RASAL2: variants seen among roughly 807,000 people sequenced by gnomAD.
RASAL2 encodes ras GTPase-activating protein nGAP.
In RASAL2, 58 loss-of-function variants were observed where a neutral mutation model predicts 128.9. That is an observed-to-expected ratio of 0.45 (90% CI 0.36 to 0.56). RASAL2 has a LOEUF of 0.56. Among genes scored for constraint, RASAL2 ranks in the 20% least tolerant of loss-of-function variants. The pLI is 0.00. For synonymous variants in RASAL2, 561 were observed against 580.8 expected (o/e 0.97, Z 0.49); for missense variants, 1,360 against 1,601.6 (o/e 0.85, Z 2.57).
At chr1:178,175,063 A>C (rs1270696021) in intron 1 of RASAL2, among the ~76,000 whole-genome samples, 1 of 152,126 alleles carries the variant, frequency 6.6e-6, no homozygotes, top group East Asian at 1.9e-4. Flanking sequence ...AATGTCACTG[A>C]ATTGACTATT....
At chr1:178,427,763 T>C (rs2102779708) in intron 5 of RASAL2, among the ~76,000 whole-genome samples, 1 of 152,212 alleles carries the variant, frequency 6.6e-6, no homozygotes, top group South Asian at 2.1e-4. Flanking sequence ...TATTCAGTTT[T>C]CGCCAATTTT....
chr1:178,256,539 C>T (rs577586685), intron 1 of RASAL2, among the ~76,000 whole-genome samples: 1 of 152,244 alleles, frequency 6.6e-6, no homozygotes, highest in Admixed American at 6.5e-5. Context: ...AGATTGTAAA[C>T]CAACAAGTAA....
At chr1:178,175,808 C>T (rs1375296137) in intron 1 of RASAL2, among the ~76,000 whole-genome samples, 1 of 152,062 alleles carries the variant, frequency 6.6e-6, no homozygotes, top group East Asian at 1.9e-4. Flanking sequence ...TTTGGTTTTC[C>T]ATCCCTGAGT....
intron 14 of RASAL2, among the ~76,000 whole-genome samples, chr1:178,460,071 A>T (rs1186787552): frequency 6.6e-6 from 1 of 152,154 alleles, no homozygotes; most frequent in Non-Finnish European, 1.5e-5. Context: ...GAGAATTAAG[A>T]TGTTTATTGG....
chr1:178,176,284 T>C (rs754504189), intron 1 of RASAL2, among the ~76,000 whole-genome samples: 20 of 152,172 alleles, frequency 1.3e-4, no homozygotes, highest in Admixed American at 3.9e-4. Context: ...TAAGGTGATA[T>C]CTCCTTGTGG....
At chr1:178,163,156 T>C (rs1203676102) in intron 1 of RASAL2, among the ~76,000 whole-genome samples, 1 of 150,542 alleles carries the variant, frequency 6.6e-6, no homozygotes, top group African/African-American at 2.4e-5. Flanking sequence ...TTAGTAGAGA[T>C]GGGGTTTCAC....
Position 178,094,182 on chromosome 1 carries a change from T to A in RASAL2, c.-311T>A, listed in dbSNP as rs1658571792. 1 of 389,720 alleles carries A rather than the reference T, an allele frequency of 2.6e-6. No individual in the cohort carries two copies. The highest frequency in any genetic ancestry group is 2.1e-5 in the African/African-American group (1 of 46,838). 24.1% of individuals were successfully genotyped at this position (389,720 alleles called of 1,614,324 possible). A position where few individuals can be genotyped will look rare whatever the true frequency, so the allele number is the denominator to read the frequency against. On this transcript the variant is annotated 5_prime_UTR_variant, in exon 1 of 18. Coordinates refer to ENST00000367649, the MANE Select transcript of RASAL2 (RefSeq NM_170692.4). The stretch of plus-strand genomic sequence containing the variant: ...AGGAGGTGGGAGGGCGAGCCTCCCC[T>A]CCCGGGTTCTTCTGCGTCCTCTCCC...
intron 3 of RASAL2, among the ~76,000 whole-genome samples, chr1:178,309,002 T>C (rs1349805478): frequency 6.6e-6 from 1 of 152,170 alleles, no homozygotes; most frequent in African/African-American, 2.4e-5. Context: ...AGATATATTC[T>C]TTCCTTTATA....
chr1:178,102,902 GAGAT>G (rs1329371634), intron 1 of RASAL2, among the ~76,000 whole-genome samples: 3 of 152,230 alleles, frequency 2.0e-5, no homozygotes, highest in Middle Eastern at 3.4e-3. Context: ...AGCAAATGTA[GAGAT>G]AGATAGATAT....
At chr1:178,240,554 C>G (rs1378445356) in intron 1 of RASAL2, among the ~76,000 whole-genome samples, 1 of 151,490 alleles carries the variant, frequency 6.6e-6, no homozygotes, top group African/African-American at 2.4e-5. Context: ...TGAAAAAAGA[C>G]CACTTTAAAT....
intron 3 of RASAL2, among the ~76,000 whole-genome samples, chr1:178,366,023 A>G (rs1274996427): frequency 6.6e-6 from 1 of 152,164 alleles, no homozygotes; most frequent in East Asian, 1.9e-4. Context: ...TAGATTATTC[A>G]TGGAGTAGCA....
intron 2 of RASAL2, among the ~76,000 whole-genome samples, chr1:178,290,900 T>A (rs1441857508): frequency 6.6e-6 from 1 of 152,074 alleles, no homozygotes; most frequent in African/African-American, 2.4e-5. Flanking sequence ...ATGGTCTCGA[T>A]CTCCTGACCT....
At chr1:178,459,271 A>T in intron 14 of RASAL2, among the ~76,000 whole-genome samples, 1 of 152,102 alleles carries the variant, frequency 6.6e-6, no homozygotes, top group East Asian at 1.9e-4. Flanking sequence ...TTCCTTAAAT[A>T]TTACATTTTG....
rs1648827726 is a variant in RASAL2, at chr1:178,478,452, C to T, written c.*5213C>T. ...ATATTAACTTAAGCAGACAGCAGCA[C>T]ATTAACCTGAGTTACACCTGTGAGG... On this transcript the variant is annotated 3_prime_UTR_variant, in exon 18 of 18. Transcript: ENST00000367649. 6.6e-6 allele frequency: 1 copy of T among 152,220 alleles called. No individual in the cohort carries two copies. Among genetic ancestry groups the T allele is most frequent in the South Asian group, 2.1e-4 (1 of 4,836 alleles). 9.4% of individuals were successfully genotyped at this position (152,220 alleles called of 1,614,324 possible). A position where few individuals can be genotyped will look rare whatever the true frequency, so the allele number is the denominator to read the frequency against.
At chr1:178,201,287 T>G (rs1317048510) in intron 1 of RASAL2, among the ~76,000 whole-genome samples, 2 of 152,170 alleles carry the variant, frequency 1.3e-5, no homozygotes, top group African/African-American at 4.8e-5. Context: ...TTTGCTTGGT[T>G]AGGTGAATTG....
chr1:178,293,912 C>T (rs989851962), intron 2 of RASAL2, among the ~76,000 whole-genome samples: 1 of 152,188 alleles, frequency 6.6e-6, no homozygotes, highest in Admixed American at 6.5e-5. Flanking sequence ...AAATGCAAAG[C>T]CTGTCCTAAG....
intron 1 of RASAL2, among the ~76,000 whole-genome samples, chr1:178,237,272 T>G (rs1365255657): frequency 6.6e-6 from 1 of 151,940 alleles, no homozygotes; most frequent in East Asian, 1.9e-4. Context: ...CACATGATGT[T>G]TGAGAGTTTT....
intron 1 of RASAL2, among the ~76,000 whole-genome samples, chr1:178,256,172 A>T (rs992293435): frequency 1.3e-5 from 2 of 152,224 alleles, no homozygotes; most frequent in African/African-American, 2.4e-5. Context: ...ACCATGTGGG[A>T]TGTATCCCAG....
intron 3 of RASAL2, among the ~76,000 whole-genome samples, chr1:178,302,868 T>C (rs1161214026): frequency 6.6e-6 from 1 of 152,118 alleles, no homozygotes; most frequent in Non-Finnish European, 1.5e-5. Context: ...GGTGAAACCC[T>C]GTCTCGAGTG....
Sources: gnomAD v4.1 joint callset for allele counts (sites outside exome capture counted in the v4.1 genomes callset) on GRCh38, gnomAD v4.1.1 for gene constraint, MANE v1.5 for transcripts, NCBI Gene and HGNC (gene_info 2026-07-23, HGNC 2026-07-21) for gene names.